OR2M4: variants seen among roughly 807,000 people sequenced by gnomAD.
The protein encoded by OR2M4 is olfactory receptor family 2 subfamily M member 4.
OR2M4 carries 8 observed loss-of-function variants against 13.7 expected under a neutral mutation model. The ratio of observed to expected loss-of-function variants is 0.58; its 90% CI spans 0.34 to 1.05. The LOEUF is 1.05. OR2M4 is among the 50% of genes least tolerant of loss of function. The pLI is 0.02. For missense variants in OR2M4, 374 were observed against 381.6 expected (o/e 0.98, Z 0.17); for synonymous variants, 152 against 141.3 (o/e 1.08, Z -0.53).
rs774867921 is a variant in OR2M4, at chr1:248,239,190, G to A, written c.262G>A (p.Gly88Arg). The change falls in exon 2 of 2, where the codon GGG becomes AGG. Residue 88 changes from glycine (G) to arginine (R), a missense_variant. Coordinates refer to ENST00000641868, the MANE Select transcript of OR2M4 (RefSeq NM_017504.2). The stretch of plus-strand genomic sequence containing the variant: ...CAAGATGATCTTCAGCTACTTGTCT[G>A]GGAAGAAATCTATCTCTCTGGCAGG... ...LPKMIFSYLS[G>R]KKSISLAGCG... 6.2e-7 allele frequency: 1 copy of A among 1,614,078 alleles called. No individual in the cohort carries two copies. The highest frequency in any genetic ancestry group is 1.1e-5 in the South Asian group (1 of 91,074).
chr1:248,239,562 T>G lies in OR2M4; in HGVS notation c.634T>G (p.Ser212Ala). 6.2e-7 allele frequency: 1 copy of G among 1,614,164 alleles called. No homozygotes were observed. Among genetic ancestry groups the G allele is most frequent in the African/African-American group, 1.3e-5 (1 of 75,028 alleles). The stretch of plus-strand genomic sequence containing the variant: ...TGTGGTAATGCTAATCTTTCCAGTT[T>G]CAGTTATCATACTTTCCTATTCCCA... ...CCVVMLIFPV[S>A]VIILSYSHVL... The change falls in exon 2 of 2, where the codon TCA becomes GCA. Residue 212 changes from serine (S) to alanine (A), a missense_variant. By Grantham distance (99) the Ser-to-Ala change is moderately conservative (BLOSUM62 1). Coordinates refer to ENST00000641868, the MANE Select transcript of OR2M4 (RefSeq NM_017504.2).
Position 248,241,149 on chromosome 1 carries a change from A to G in OR2M4, c.*1285A>G, listed in dbSNP as rs1024980990. 16 of 152,218 alleles carry G rather than the reference A, an allele frequency of 1.1e-4. No individual in the cohort carries two copies. Among genetic ancestry groups the G allele is most frequent in the Non-Finnish European group, 1.3e-4 (9 of 68,084 alleles). 9.4% of individuals were successfully genotyped at this position (152,218 alleles called of 1,614,324 possible). A position where few individuals can be genotyped will look rare whatever the true frequency, so the allele number is the denominator to read the frequency against. On this transcript the variant is annotated 3_prime_UTR_variant, in exon 2 of 2. Transcript: ENST00000641868. ...CGGGCACGTGAACTACAGAGACAGC[A>G]GCTGGGGCAACTGAGGTTGTGCTGG...
At position 248,240,154 on chromosome 1, in the gene OR2M4, C is replaced by T. The variant is rs1056613157; in HGVS notation, c.*290C>T. 2.8e-5 allele frequency: 7 copies of T among 250,190 alleles called. No individual in the cohort carries two copies. The highest frequency in any genetic ancestry group is 5.0e-5 in the Admixed American group (1 of 19,990). The allele number at this position is 250,190 out of a possible 1,614,324, so 15.5% of individuals were successfully genotyped here. On this transcript the variant is annotated 3_prime_UTR_variant, in exon 2 of 2. Coordinates refer to ENST00000641868, the MANE Select transcript of OR2M4 (RefSeq NM_017504.2). ...TTACTTTTGAAGCCAGGTATAAGTC[C>T]GAAGGGTCTTAGCTGTATCAAAAAG... is the stretch of plus-strand genomic sequence containing the variant.
Position 248,239,432 on chromosome 1 carries a change from C to T in OR2M4, c.504C>T (p.Tyr168=), listed in dbSNP as rs2103023137. 1.2e-6 allele frequency: 2 copies of T among 1,614,132 alleles called. No homozygotes were observed. Among genetic ancestry groups the T allele is most frequent in the East Asian group, 2.2e-5 (1 of 44,888 alleles). Residue 168 remains tyrosine (Y), a synonymous_variant, in exon 2 of 2, where the codon TAC becomes TAT. Transcript: ENST00000641868. The stretch of plus-strand genomic sequence containing the variant: ...TTGCAGCTGTCCTGTCATTTTCTTA[C>T]TGCAGCTCTCTGGAAATTCATCACT... ...IVLAAVLSFS[Y]CSSLEIHHFF...
intron 1 of OR2M4, among the ~76,000 whole-genome samples, chr1:248,237,740 G>A (rs772314194): frequency 3.3e-5 from 5 of 152,168 alleles, no homozygotes; most frequent in Non-Finnish European, 7.3e-5. Context: ...AGCTATTTAT[G>A]ACAAACTCAT....
chr1:248,234,198 C>A (rs1188301296), intron 1 of OR2M4, among the ~76,000 whole-genome samples: 1 of 152,030 alleles, frequency 6.6e-6, no homozygotes, highest in East Asian at 1.9e-4. Flanking sequence ...TATATTTCTC[C>A]AGATGCATTT....
At position 248,239,406 on chromosome 1, in the gene OR2M4, C is replaced by G; in HGVS notation, c.478C>G (p.Leu160Val). Residue 160 changes from leucine to valine, a missense_variant, in exon 2 of 2, where the codon CTT becomes GTT. Coordinates refer to ENST00000641868, the MANE Select transcript of OR2M4 (RefSeq NM_017504.2). ...TLGSLDGIIV[L>V]AAVLSFSYCS... The stretch of plus-strand genomic sequence containing the variant: ...GGGGTCTCTTGATGGGATCATAGTG[C>G]TTGCAGCTGTCCTGTCATTTTCTTA... 1.2e-6 allele frequency: 2 copies of G among 1,614,068 alleles called. No individual in the cohort carries two copies. The highest frequency in any genetic ancestry group is 1.7e-6 in the Non-Finnish European group (2 of 1,180,008).
chr1:248,238,366 A>G (rs934031348), intron 1 of OR2M4, among the ~76,000 whole-genome samples: 7 of 152,140 alleles, frequency 4.6e-5, no homozygotes, highest in Non-Finnish European at 7.3e-5. Flanking sequence ...AGAGTACTAT[A>G]CCCTTCTCTG....
Position 248,238,932 on chromosome 1 carries a change from G to T in OR2M4, c.4G>T (p.Val2Leu), listed in dbSNP as rs1366080094. 1 of 1,587,800 alleles carries T rather than the reference G, an allele frequency of 6.3e-7. No individual in the cohort carries two copies. MVWENQTFNSIF... is the reference protein window; with the variant it reads MLWENQTFNSIF... The stretch of plus-strand genomic sequence containing the variant: ...CAGATAAGGCAAATTATCCAGGATG[G>T]TGTGGGAAAACCAGACCTTCAACTC... The change falls in exon 2 of 2, where the codon GTG (valine) becomes TTG (leucine). Residue 2 changes from valine (V) to leucine (L), a missense_variant. Physicochemically the swap from Val to Leu is conservative, Grantham distance 32. Coordinates refer to ENST00000641868, the MANE Select transcript of OR2M4 (RefSeq NM_017504.2).
At chr1:248,234,057 T>A (rs139969178) in intron 1 of OR2M4, among the ~76,000 whole-genome samples, 266 of 152,330 alleles carry the variant, frequency 1.7e-3, no homozygotes, top group African/African-American at 5.8e-3. Flanking sequence ...AAATGTGCAA[T>A]GTCCAAGATA....
At position 248,241,856 on chromosome 1, in the gene OR2M4, C is replaced by T. The variant is rs1446590498; in HGVS notation, c.*1992C>T. On this transcript the variant is annotated 3_prime_UTR_variant, in exon 2 of 2. Transcript: ENST00000641868. ...TGTGAGCCGAGATCATGCCATTGCACTCCAGCCTGGGCAACAAAAGCAAAA... is the reference window on the plus strand; with the variant it reads ...TGTGAGCCGAGATCATGCCATTGCATTCCAGCCTGGGCAACAAAAGCAAAA... 6.6e-6 allele frequency: 1 copy of T among 152,186 alleles called. No homozygotes were observed. The highest frequency in any genetic ancestry group is 1.5e-5 in the Non-Finnish European group (1 of 68,048). 9.4% of individuals were successfully genotyped at this position (152,186 alleles called of 1,614,324 possible).
chr1:248,236,495 A>G (rs1339030857), intron 1 of OR2M4, among the ~76,000 whole-genome samples: 5 of 152,148 alleles, frequency 3.3e-5, no homozygotes, highest in Non-Finnish European at 5.9e-5. Context: ...CATCACAACT[A>G]AAAGAACTAG....
At chr1:248,238,128 A>C (rs1195438032) in intron 1 of OR2M4, among the ~76,000 whole-genome samples, 1 of 152,212 alleles carries the variant, frequency 6.6e-6, no homozygotes, top group Non-Finnish European at 1.5e-5. Flanking sequence ...CCCCATAGAT[A>C]TTTACAACTT....
chr1:248,241,139 C>CTGTCTGT lies in OR2M4; in HGVS notation c.*1275_*1276insTGTCTGT, dbSNP rs1277176474. On this transcript the variant is annotated 3_prime_UTR_variant, in exon 2 of 2. Transcript: ENST00000641868. ...GACTGTGCGGCGGGCACGTGAACTA[C>CTGTCTGT]AGAGACAGCAGCTGGGGCAACTGAG... 1 of 152,240 alleles carries CTGTCTGT rather than the reference C, an allele frequency of 6.6e-6. No homozygotes were observed. The highest frequency in any genetic ancestry group is 1.9e-4 in the East Asian group (1 of 5,196). 9.4% of individuals were successfully genotyped at this position (152,240 alleles called of 1,614,324 possible). A position where few individuals can be genotyped will look rare whatever the true frequency, so the allele number is the denominator to read the frequency against.
At position 248,239,706 on chromosome 1, in the gene OR2M4, A is replaced by T; in HGVS notation, c.778A>T (p.Met260Leu). The T allele has an allele frequency of 6.2e-7, 1 of 1,614,056 alleles. No homozygotes were observed. Among genetic ancestry groups the T allele is most frequent in the Non-Finnish European group, 8.5e-7 (1 of 1,180,008 alleles). Residue 260 changes from methionine to leucine, a missense_variant, in exon 2 of 2, where the codon ATG (methionine) becomes TTG (leucine). Met to Leu is a conservative substitution (Grantham distance 15, BLOSUM62 2). Transcript: ENST00000641868. ...CTACGGTGCTGCTATGTTCATGTAC[A>T]TGAGACCAGCTTCTAAACATACGCC... ...LYYGAAMFMYMRPASKHTPDQ... is the reference protein window; with the variant it reads ...LYYGAAMFMYLRPASKHTPDQ...
chr1:248,235,973 A>G (rs1027878035), intron 1 of OR2M4, among the ~76,000 whole-genome samples: 1 of 152,054 alleles, frequency 6.6e-6, no homozygotes, highest in African/African-American at 2.4e-5. Context: ...CTCTCTTCCT[A>G]TTTGAATACC....
At position 248,240,102 on chromosome 1, in the gene OR2M4, C is replaced by A; in HGVS notation, c.*238C>A. On this transcript the variant is annotated 3_prime_UTR_variant, in exon 2 of 2. Transcript: ENST00000641868. ...GACAATTATATTATTAGGTGTCACA[C>A]ATGGGTGGTACTTGATTTTAGGATG... 1 of 354,530 alleles carries A rather than the reference C, an allele frequency of 2.8e-6. No homozygotes were observed. The highest frequency in any genetic ancestry group is 5.1e-5 in the East Asian group (1 of 19,644). 22.0% of individuals were successfully genotyped at this position (354,530 alleles called of 1,614,324 possible). A position where few individuals can be genotyped will look rare whatever the true frequency, so the allele number is the denominator to read the frequency against.
chr1:248,236,930 C>T (rs750322905), intron 1 of OR2M4, among the ~76,000 whole-genome samples: 95 of 152,124 alleles, frequency 6.2e-4, no homozygotes, highest in Non-Finnish European at 1.1e-3. Context: ...AAATGGCCTA[C>T]CAACCAAAAA....
At chr1:248,235,806 A>G (rs916949794) in intron 1 of OR2M4, among the ~76,000 whole-genome samples, 2 of 151,806 alleles carry the variant, frequency 1.3e-5, no homozygotes, top group Non-Finnish European at 2.9e-5. Context: ...CTGCTTGTCT[A>G]TTGTTGGTGC....
Sources: allele counts gnomAD v4.1 joint callset (sites outside exome capture counted in the v4.1 genomes callset), GRCh38; gene constraint gnomAD v4.1.1; transcripts MANE v1.5; gene names NCBI Gene and HGNC (gene_info 2026-07-23, HGNC 2026-07-21).